SYNE1: variants seen among roughly 807,000 people sequenced by gnomAD.
SYNE1 encodes the protein nesprin-1.
A neutral mutation model predicts 1,111.0 loss-of-function variants in SYNE1; 616 were observed. The ratio of observed to expected loss-of-function variants is 0.55; its 90% CI spans 0.52 to 0.59. The LOEUF is 0.59. Among genes scored for constraint, SYNE1 ranks in the 20% least tolerant of loss-of-function variants. The pLI is 0.00. For synonymous variants in SYNE1, 3,855 were observed against 3,825.8 expected (o/e 1.01, Z -0.28); for missense variants, 10,006 against 10,417.0 (o/e 0.96, Z 1.72).
At chr6:152,471,813 G>A in intron 15 of SYNE1, 48 bp from the exon 16 acceptor site, 1 of 1,563,270 alleles carries the variant, frequency 6.4e-7, no homozygotes, top group Non-Finnish European at 8.8e-7. Context: ...AATAGTAACA[G>A]AACTGATGCT....
At position 152,239,035 on chromosome 6, in the gene SYNE1, T is replaced by C. The variant is rs556014569; in HGVS notation, c.20067+498A>G. On this transcript the variant is annotated intron_variant, in intron 108 of 145. Coordinates refer to ENST00000367255, the MANE Select transcript of SYNE1 (RefSeq NM_182961.4). ...GCCTCAGCCTCCCAAGTAGCTGAGA[T>C]TACAGGCACCCACGACGACGTCCGG... 1.4e-4 allele frequency among the ~76,000 whole-genome samples: 22 copies of C among 152,010 alleles called. No individual in the cohort carries two copies. In the South Asian group the frequency reaches 4.4e-3, roughly 30 times the overall value.
chr6:152,450,498 T>A, intron 27 of SYNE1, 127 bp downstream of exon 27: 2 of 961,974 alleles, frequency 2.1e-6, no homozygotes, highest in Non-Finnish European at 3.3e-6. Context: ...TTTTATTAAA[T>A]GAAGGATTTT....
At chr6:152,502,877 G>A in intron 9 of SYNE1, 135 bp from the exon 10 acceptor site, 1 of 705,274 alleles carries the variant, frequency 1.4e-6, no homozygotes, top group Non-Finnish European at 2.4e-6. Flanking sequence ...TAGAATTTTG[G>A]ACGGGGAGGA....
At chr6:152,125,928 C>T (rs1345888393) in intron 145 of SYNE1, 1 of 152,286 alleles carries the variant, frequency 6.6e-6, no homozygotes, top group African/African-American at 2.4e-5. Flanking sequence ...GATATTAATG[C>T]ACCCCTCATC....
At chr6:152,129,635 G>A (rs2054802263) in intron 145 of SYNE1, 1 of 151,894 alleles carries the variant, frequency 6.6e-6, no homozygotes, top group South Asian at 2.1e-4. Flanking sequence ...GTACAGGGAG[G>A]TCTAAAACCA....
Position 152,337,017 on chromosome 6 carries a change from T to C in SYNE1, c.12352A>G (p.Ile4118Val). The change falls in exon 76 of 146, where the codon ATT becomes GTT. Residue 4118 changes from isoleucine (I) to valine (V), a missense_variant and splice_region_variant. By Grantham distance (29) the Ile-to-Val change is conservative. Transcript: ENST00000367255. ...TGGGCCTGGACAAGCTTTTGTTCAA[T>C]CTTGAGAAAACACAGAGATAAAAGT... ...AKDIQQTEQTIEQKLVQAQNL... is the reference protein window; with the variant it reads ...AKDIQQTEQTVEQKLVQAQNL... 6.2e-7 allele frequency: 1 copy of C among 1,613,052 alleles called. No homozygotes were observed. The highest frequency in any genetic ancestry group is 1.3e-5 in the African/African-American group (1 of 75,004).
At chr6:152,613,670 A>T (rs907363984) in intron 3 of SYNE1, among the ~76,000 whole-genome samples, 12 of 152,236 alleles carry the variant, frequency 7.9e-5, no homozygotes, top group Non-Finnish European at 1.6e-4. Flanking sequence ...TAGAGCCCAC[A>T]TTGCCAAGAA....
chr6:152,376,935 A>C, intron 56 of SYNE1, 23 bp from the exon 57 acceptor site: 1 of 1,612,666 alleles, frequency 6.2e-7, no homozygotes, highest in South Asian at 1.1e-5. Flanking sequence ...AATGAGACAA[A>C]GAAGCGAGCA....
chr6:152,327,350 A>G (rs762832137), intron 78 of SYNE1, among the ~76,000 whole-genome samples: 14 of 152,216 alleles, frequency 9.2e-5, no homozygotes, highest in Non-Finnish European at 2.1e-4. Flanking sequence ...TCAAACTTCC[A>G]AACTGGCATT....
At position 152,148,047 on chromosome 6, in the gene SYNE1, G is replaced by C; in HGVS notation, c.24974C>G (p.Ser8325Ter). Residue 8325 changes from serine (S) to a stop codon, truncating the protein, a stop_gained and splice_region_variant, in exon 137 of 146, where the codon TCA becomes TGA. Coordinates refer to ENST00000367255, the MANE Select transcript of SYNE1 (RefSeq NM_182961.4). LOFTEE classifies it high-confidence loss of function. This position sits in a 1 kb window ranked among gnomAD's most constrained non-coding sequence, Gnocchi z 4.1. ...AAACTGGAGAGGCTCTTTCCTACCTGATAAGCCAACAGCTCCCCGGAGGTA... is the reference window on the plus strand; with the variant it reads ...AAACTGGAGAGGCTCTTTCCTACCTCATAAGCCAACAGCTCCCCGGAGGTA... The part of the protein sequence containing the change: ...DFYLRGAVGL[S>*]GDHSALESQI... 6.2e-7 allele frequency: 1 copy of C among 1,613,656 alleles called. No homozygotes were observed.
chr6:152,331,326 G>A lies in SYNE1; in HGVS notation c.13359C>T (p.Ser4453=), dbSNP rs369434204. 33 of 1,614,148 alleles carry A rather than the reference G, an allele frequency of 2.0e-5. No individual in the cohort carries two copies. The East Asian group carries it at 2.7e-4, about 13-fold the overall frequency. The change falls in exon 78 of 146, where the codon TCC becomes TCT. Residue 4453 remains serine (S), a synonymous_variant. Coordinates refer to ENST00000367255, the MANE Select transcript of SYNE1 (RefSeq NM_182961.4). ...CTGCCATGAGAAACTGGGTTTTCTC[G>A]GACAAGGCTTTGTTTAAGTACTTTC... The part of the protein sequence containing the change: ...QRRKYLNKAL[S]EKTQFLMAVF...
At chr6:152,257,336 C>T (rs190656213) in intron 101 of SYNE1, among the ~76,000 whole-genome samples, 240 of 152,232 alleles carry the variant, frequency 1.6e-3, no homozygotes, top group Admixed American at 2.9e-3. Flanking sequence ...AGTTCAAGAC[C>T]GGCCTGGCCA....
In SYNE1 at chr6:152,483,879, T is replaced by C. The variant is rs972053452; in HGVS notation, c.1186-630A>G. 2.1e-5 allele frequency among the ~76,000 whole-genome samples: 3 copies of C among 146,318 alleles called. No individual in the cohort carries two copies. In the East Asian group the frequency reaches 6.2e-4, roughly 30 times the overall value. On this transcript the variant is annotated intron_variant, in intron 13 of 145. Coordinates refer to ENST00000367255, the MANE Select transcript of SYNE1 (RefSeq NM_182961.4). Reference sequence around the variant, plus strand: ...GCTTAGGAACTAGCCTATTCTTTAATGGAGTCACTAGAAAAAATGAGACTA... The same window carrying C: ...GCTTAGGAACTAGCCTATTCTTTAACGGAGTCACTAGAAAAAATGAGACTA...
In SYNE1 at chr6:152,234,730, G is replaced by A; in HGVS notation, c.20467C>T (p.Gln6823Ter). 1 of 1,614,220 alleles carries A rather than the reference G, an allele frequency of 6.2e-7. No individual in the cohort carries two copies. The highest frequency in any genetic ancestry group is 8.5e-7 in the Non-Finnish European group (1 of 1,180,024). Reference protein sequence around the residue: ...SAKDRLEFWTQQSVTVPQELE... With the variant: ...SAKDRLEFWT ...TCTTGTGGGACTGTCACAGATTGCTGAGTCCAAAATTCTAGCCGGTCTTTT... is the reference window on the plus strand; with the variant it reads ...TCTTGTGGGACTGTCACAGATTGCTAAGTCCAAAATTCTAGCCGGTCTTTT... Residue 6823 changes from glutamine to a stop codon, truncating the protein, a stop_gained, in exon 111 of 146, where the codon CAG becomes TAG. Transcript: ENST00000367255. LOFTEE classifies it high-confidence loss of function.
At chr6:152,150,591 G>A (rs1037512450) in intron 135 of SYNE1, among the ~76,000 whole-genome samples, 3 of 152,128 alleles carry the variant, frequency 2.0e-5, no homozygotes, top group Non-Finnish European at 4.4e-5. Context: ...GGTTATGGGC[G>A]TCATGACCAT....
chr6:152,298,601 C>A (rs1399385900), intron 93 of SYNE1, among the ~76,000 whole-genome samples: 1 of 151,464 alleles, frequency 6.6e-6, no homozygotes, highest in Non-Finnish European at 1.5e-5. Context: ...TAAAGCAGTT[C>A]TATTTGGCTG....
At chr6:152,620,809 G>T (rs1189443366) in intron 3 of SYNE1, among the ~76,000 whole-genome samples, 1 of 152,078 alleles carries the variant, frequency 6.6e-6, no homozygotes, top group African/African-American at 2.4e-5. Flanking sequence ...AAATACTTAT[G>T]AAGTGTCCAT....
rs200341649 is a variant in SYNE1, at chr6:152,138,512, A to AAAATAAAT, written c.25458+1430_25458+1437dup. Among the ~76,000 whole-genome samples the AAAATAAAT allele has an allele frequency of 2.8e-3, 392 of 141,840 alleles. 4 individuals are homozygous for AAAATAAAT. The highest frequency in any genetic ancestry group is 7.1e-3 in the Middle Eastern group (2 of 280). 93.1% of individuals were successfully genotyped at this position (141,840 alleles called of 152,430 possible). On this transcript the variant is annotated intron_variant, in intron 140 of 145. Coordinates refer to ENST00000367255, the MANE Select transcript of SYNE1 (RefSeq NM_182961.4). Reference sequence around the variant, plus strand: ...GGTGATAGAGTGAGACTCTGTCTCAAAAATAAATAAATAAATAAATAAATA... The same window carrying AAAATAAAT: ...GGTGATAGAGTGAGACTCTGTCTCAAAAATAAATAAATAAATAAATAAATAAATAAATA...
intron 40 of SYNE1, among the ~76,000 whole-genome samples, chr6:152,417,521 C>G (rs73628545): frequency 1.3e-5 from 2 of 151,644 alleles, no homozygotes; most frequent in South Asian, 2.1e-4. Context: ...AACAAACAAA[C>G]AAACACAACT....
Sources: allele counts gnomAD v4.1 joint callset (sites outside exome capture counted in the v4.1 genomes callset), GRCh38; gene constraint gnomAD v4.1.1; non-coding constraint Gnocchi (gnomAD v3.1); transcripts MANE v1.5; gene names NCBI Gene and HGNC (gene_info 2026-07-23, HGNC 2026-07-21).